The following STK33 variants were observed in gnomAD, a reference collection of about 807,000 sequenced individuals.
STK33 encodes serine/threonine kinase 33.
Under a neutral mutation model 58.0 loss-of-function variants are expected in STK33, and 52 were observed. The ratio of observed to expected loss-of-function variants is 0.90; its 90% CI spans 0.72 to 1.13. The LOEUF (loss-of-function observed/expected upper bound fraction) is 1.13, where lower values mean the gene tolerates loss of function less well. Ranked by LOEUF, STK33 falls within the 50% of genes most tolerant of loss-of-function variation. The pLI, the probability that STK33 is intolerant of heterozygous loss-of-function variation, is 0.00. For synonymous variants in STK33, 215 were observed against 200.1 expected (o/e 1.07, Z -0.63); for missense variants, 630 against 604.2 (o/e 1.04, Z -0.45).
chr11:8,572,698 C>T (rs145979714), intron 1 of STK33, among the ~76,000 whole-genome samples: 300 of 152,070 alleles, frequency 2.0e-3, no homozygotes, highest in African/African-American at 7.0e-3. Context: ...TGATTACAGG[C>T]GTGAGTCACC....
At chr11:8,528,532 A>G (rs1389726868) in intron 1 of STK33, among the ~76,000 whole-genome samples, 1 of 152,220 alleles carries the variant, frequency 6.6e-6, no homozygotes, top group Admixed American at 6.5e-5. Context: ...TGGCCCAAAT[A>G]TATTAATTTT....
the STK33 span, among the ~76,000 whole-genome samples, chr11:8,353,591 A>T: frequency 9.9e-5 from 15 of 152,212 alleles, no homozygotes; most frequent in Admixed American, 4.6e-4. Context: ...TAAGCCAAAA[A>T]TGTGCCACCA....
chr11:8,463,525 C>T (rs1429587029), intron 7 of STK33, among the ~76,000 whole-genome samples: 1 of 152,052 alleles, frequency 6.6e-6, no homozygotes, highest in Non-Finnish European at 1.5e-5. Context: ...TGGGGACCCT[C>T]GACCTAAAGG....
intron 10 of STK33, 142 bp downstream of exon 10, chr11:8,454,602 T>G: frequency 1.0e-6 from 1 of 998,510 alleles, no homozygotes; most frequent in South Asian, 1.8e-5. Flanking sequence ...CAACCTCTTG[T>G]GAAATTTTTA....
At chr11:8,384,779 C>A in the STK33 span, among the ~76,000 whole-genome samples, 1 of 152,188 alleles carries the variant, frequency 6.6e-6, no homozygotes, top group Non-Finnish European at 1.5e-5. Context: ...ACTCTCCTTA[C>A]CCTGCCCCCT....
intron 1 of STK33, among the ~76,000 whole-genome samples, chr11:8,517,717 A>G (rs1483607940): frequency 6.6e-6 from 1 of 152,246 alleles, no homozygotes; most frequent in African/African-American, 2.4e-5. Context: ...AGCCAATTTG[A>G]TAAAGAGGAG....
At chr11:8,383,601 G>A in the STK33 span, among the ~76,000 whole-genome samples, 27,446 of 152,200 alleles carry the variant, frequency 0.18, 2,780 homozygotes, top group South Asian at 0.31. Flanking sequence ...GGAAGGCTAT[G>A]GAATTATGAT....
intron 1 of STK33, among the ~76,000 whole-genome samples, chr11:8,583,046 T>C (rs4929949): frequency 0.46 from 70,408 of 152,134 alleles, 16,473 homozygotes; most frequent in Non-Finnish European, 0.5. Flanking sequence ...GCTTATTTCA[T>C]TGGACACCAC....
chr11:8,486,430 T>C (rs1950199994), intron 1 of STK33, among the ~76,000 whole-genome samples: 1 of 152,222 alleles, frequency 6.6e-6, no homozygotes, highest in South Asian at 2.1e-4. Flanking sequence ...CCCATTCCTC[T>C]CTTCATCTGT....
chr11:8,345,155 C>T, the STK33 span, among the ~76,000 whole-genome samples: 2 of 152,192 alleles, frequency 1.3e-5, no homozygotes, highest in African/African-American at 4.8e-5. Context: ...CTCTAAGCAT[C>T]TCCAGAGCTT....
chr11:8,558,493 A>C (rs1956914571), intron 1 of STK33, among the ~76,000 whole-genome samples: 1 of 152,050 alleles, frequency 6.6e-6, no homozygotes, highest in African/African-American at 2.4e-5. Flanking sequence ...AATATATGGC[A>C]CCTTACCTTG....
chr11:8,379,326 G>A, the STK33 span, among the ~76,000 whole-genome samples: 5 of 152,150 alleles, frequency 3.3e-5, no homozygotes, highest in African/African-American at 1.2e-4. Flanking sequence ...CTTCTGCACA[G>A]CAGAAGAAAT....
intron 1 of STK33, among the ~76,000 whole-genome samples, chr11:8,505,205 T>A (rs563636987): frequency 1.1e-4 from 16 of 152,232 alleles, no homozygotes; most frequent in South Asian, 4.1e-4. Flanking sequence ...GTGCTTAGCA[T>A]CCTGATTTGC....
At chr11:8,458,495 G>A (rs549262904) in intron 8 of STK33, among the ~76,000 whole-genome samples, 1 of 151,128 alleles carries the variant, frequency 6.6e-6, no homozygotes, top group Non-Finnish European at 1.5e-5. Flanking sequence ...GTTTCTAGAG[G>A]GTAGATGTGA....
intron 1 of STK33, among the ~76,000 whole-genome samples, chr11:8,530,945 T>TGATC (rs67374067): frequency 0.39 from 59,035 of 151,524 alleles, 11,764 homozygotes; most frequent in South Asian, 0.57. Flanking sequence ...CCCACCTCAG[T>TGATC]CTCCCAAAGT....
the STK33 span, among the ~76,000 whole-genome samples, chr11:8,364,159 T>C: frequency 6.6e-6 from 1 of 152,240 alleles, no homozygotes; most frequent in Admixed American, 6.5e-5. Context: ...TTTATGTCAA[T>C]ACGTTCGTCT....
At chr11:8,335,177 G>A in the STK33 span, among the ~76,000 whole-genome samples, 1 of 152,168 alleles carries the variant, frequency 6.6e-6, no homozygotes, top group Non-Finnish European at 1.5e-5. Flanking sequence ...CGGGCTGAGG[G>A]GGACCCAGAC....
In STK33 at chr11:8,452,844, T is replaced by A; in HGVS notation, c.849A>T (p.Thr283=). The change falls in exon 11 of 16, where the codon ACA becomes ACT. Residue 283 remains threonine (T), a synonymous_variant. Transcript: ENST00000687296. The part of the protein sequence containing the change: ...QSRSEAMLQA[T]CGTPIYMAPE... ...TACCCATATAGATAGGAGTCCCACA[T>A]GTGGCCTGCAGCATGGCTTCACTCC... The A allele has an allele frequency of 6.2e-7, 1 of 1,614,108 alleles. No homozygotes were observed. The highest frequency in any genetic ancestry group is 8.5e-7 in the Non-Finnish European group (1 of 1,179,978).
intron 1 of STK33, among the ~76,000 whole-genome samples, chr11:8,485,701 G>C (rs1013802589): frequency 6.6e-6 from 1 of 152,130 alleles, no homozygotes; most frequent in Non-Finnish European, 1.5e-5. Context: ...TAAATAAGTT[G>C]ACTCAGTCAT....
Sources: gnomAD v4.1 joint callset for allele counts (sites outside exome capture counted in the v4.1 genomes callset) on GRCh38, gnomAD v4.1.1 for gene constraint, MANE v1.5 for transcripts, NCBI Gene and HGNC (gene_info 2026-07-23, HGNC 2026-07-21) for gene names.